The following CSMD2 variants were observed in gnomAD, a reference collection of about 807,000 sequenced individuals.
The protein encoded by CSMD2 is CUB and Sushi multiple domains 2.
CSMD2 carries 130 observed loss-of-function variants against 398.5 expected under a neutral mutation model. The ratio of observed to expected loss-of-function variants is 0.33; its 90% CI spans 0.28 to 0.38. The LOEUF is 0.38. Ranked by LOEUF, CSMD2 falls within the 10% of genes least tolerant of loss-of-function variation. The pLI, the probability that CSMD2 is intolerant of heterozygous loss-of-function variation, is 1.00. For synonymous variants in CSMD2, 1,828 were observed against 1,908.5 expected (o/e 0.96, Z 1.10); for missense variants, 3,829 against 4,764.9 (o/e 0.80, Z 5.78).
At chr1:33,753,390 G>A (rs1648534767) in intron 13 of CSMD2, among the ~76,000 whole-genome samples, 1 of 152,242 alleles carries the variant, frequency 6.6e-6, no homozygotes, top group Non-Finnish European at 1.5e-5. Flanking sequence ...TCCAGATACA[G>A]CTTGGGCTGC....
intron 24 of CSMD2, among the ~76,000 whole-genome samples, chr1:33,693,438 G>T (rs939864216): frequency 6.6e-6 from 1 of 152,158 alleles, no homozygotes; most frequent in Non-Finnish European, 1.5e-5. Flanking sequence ...TAGTCAAAAA[G>T]ACTATACAAG....
chr1:33,744,729 A>G (rs1557829161), intron 13 of CSMD2, among the ~76,000 whole-genome samples: 2 of 152,204 alleles, frequency 1.3e-5, no homozygotes, highest in Non-Finnish European at 2.9e-5. Context: ...GAGTAAAGAG[A>G]GTGCTTAGAG....
At chr1:33,929,859 T>A (rs1048457281) in intron 4 of CSMD2, among the ~76,000 whole-genome samples, 4 of 152,092 alleles carry the variant, frequency 2.6e-5, no homozygotes, top group African/African-American at 4.8e-5. Context: ...GTTTTCCAGG[T>A]CTTCACACAA....
At chr1:33,703,675 G>A (rs775031261) in intron 22 of CSMD2, among the ~76,000 whole-genome samples, 1 of 152,216 alleles carries the variant, frequency 6.6e-6, no homozygotes, top group Non-Finnish European at 1.5e-5. Context: ...GTGTGCTTGA[G>A]TTTCTCTAGA....
chr1:33,667,930 A>T (rs1329355703), intron 25 of CSMD2, among the ~76,000 whole-genome samples: 5 of 152,174 alleles, frequency 3.3e-5, no homozygotes, highest in Non-Finnish European at 7.3e-5. Context: ...GCTTCTGGAG[A>T]TGGGCAATAA....
intron 21 of CSMD2, among the ~76,000 whole-genome samples, chr1:33,710,514 G>A (rs917582370): frequency 1.3e-5 from 2 of 152,184 alleles, no homozygotes; most frequent in African/African-American, 4.8e-5. Context: ...AAGTCCAGAT[G>A]GCAGGCCTGT....
intron 1 of CSMD2, among the ~76,000 whole-genome samples, chr1:34,112,114 T>C (rs1379614816): frequency 3.3e-5 from 5 of 152,064 alleles, no homozygotes; most frequent in African/African-American, 9.7e-5. Context: ...CAGGGAGTAG[T>C]AGAGAAATGT....
intron 25 of CSMD2, among the ~76,000 whole-genome samples, chr1:33,683,966 C>G (rs977664558): frequency 9.2e-5 from 14 of 152,208 alleles, no homozygotes; most frequent in African/African-American, 3.1e-4. Flanking sequence ...AGCTGCTGAA[C>G]CTGTGGCCAT....
At chr1:33,909,488 C>CT (rs1484200273) in intron 5 of CSMD2, among the ~76,000 whole-genome samples, 1 of 152,042 alleles carries the variant, frequency 6.6e-6, no homozygotes, top group Non-Finnish European at 1.5e-5. Flanking sequence ...TCAGTCTCCC[C>CT]CAAATAGACC....
chr1:33,564,291 G>A (rs1658848490), intron 53 of CSMD2, among the ~76,000 whole-genome samples: 1 of 152,180 alleles, frequency 6.6e-6, no homozygotes, highest in East Asian at 1.9e-4. Context: ...AGATCTGATG[G>A]TAGAGCTGAG....
chr1:33,539,112 C>T (rs1049155991), intron 60 of CSMD2, among the ~76,000 whole-genome samples: 6 of 152,112 alleles, frequency 3.9e-5, no homozygotes, highest in Non-Finnish European at 5.9e-5. Context: ...GGACTACAGG[C>T]GCCCGCCACC....
intron 3 of CSMD2, among the ~76,000 whole-genome samples, chr1:34,005,038 T>C (rs1274134859): frequency 2.0e-5 from 3 of 152,152 alleles, no homozygotes; most frequent in Non-Finnish European, 4.4e-5. Flanking sequence ...CCCCACCACT[T>C]TCCATCAGTG....
chr1:34,019,986 T>C (rs780817189), intron 3 of CSMD2, among the ~76,000 whole-genome samples: 30 of 152,130 alleles, frequency 2.0e-4, no homozygotes, highest in Admixed American at 1.1e-3. Flanking sequence ...CACAGAACAA[T>C]AGTAATGCAA....
chr1:33,934,283 C>T (rs1327161680), intron 4 of CSMD2, among the ~76,000 whole-genome samples: 1 of 152,130 alleles, frequency 6.6e-6, no homozygotes, highest in Admixed American at 6.5e-5. Context: ...TAGAGATGAG[C>T]GTTACTAGAA....
At chr1:33,588,295 G>A (rs563213378) in intron 44 of CSMD2, among the ~76,000 whole-genome samples, 2 of 152,280 alleles carry the variant, frequency 1.3e-5, no homozygotes, top group South Asian at 4.1e-4. Flanking sequence ...GTATTTAACA[G>A]ATACTCTGTT....
intron 49 of CSMD2, among the ~76,000 whole-genome samples, chr1:33,576,286 C>G (rs6425829): frequency 0.33 from 50,703 of 151,924 alleles, 8,748 homozygotes; most frequent in Non-Finnish European, 0.38. Flanking sequence ...ATAATGGTGA[C>G]GAAGTATAAT....
At chr1:34,080,615 T>C (rs1048320219) in intron 2 of CSMD2, among the ~76,000 whole-genome samples, 1 of 151,950 alleles carries the variant, frequency 6.6e-6, no homozygotes, top group Non-Finnish European at 1.5e-5. Context: ...AAGAACAAAA[T>C]TGCAATTAGA....
At chr1:33,547,473 A>C (rs1270750901) in intron 56 of CSMD2, among the ~76,000 whole-genome samples, 1 of 152,248 alleles carries the variant, frequency 6.6e-6, no homozygotes, top group Non-Finnish European at 1.5e-5. Flanking sequence ...GTAACATCTG[A>C]GTGACCACAT....
At chr1:33,527,282 A>C in intron 64 of CSMD2, 24 bp from the exon 65 acceptor site, 1 of 1,601,614 alleles carries the variant, frequency 6.2e-7, no homozygotes, top group Non-Finnish European at 8.5e-7. Context: ...AGAGTGGAAG[A>C]AAACAGGTTC....
Sources: allele counts gnomAD v4.1 joint callset (sites outside exome capture counted in the v4.1 genomes callset), GRCh38; gene constraint gnomAD v4.1.1; transcripts MANE v1.5; gene names NCBI Gene and HGNC (gene_info 2026-07-23, HGNC 2026-07-21).